TRIM8: variants seen among roughly 807,000 people sequenced by gnomAD.
TRIM8 encodes E3 ubiquitin-protein ligase TRIM8.
A neutral mutation model predicts 55.7 loss-of-function variants in TRIM8; 9 were observed. The observed-to-expected ratio is 0.16, with a 90% CI of 0.10 to 0.28. The LOEUF is 0.28. Ranked by LOEUF, TRIM8 falls within the 10% of genes least tolerant of loss-of-function variation. The probability of loss-of-function intolerance (pLI) is 1.00; values close to 1 mark genes in which losing one functional copy is unlikely to be tolerated. For missense variants in TRIM8, 556 were observed against 736.4 expected (o/e 0.76, Z 2.83); for synonymous variants, 335 against 333.3 (o/e 1.01, Z -0.06).
rs1261119993 is a variant in TRIM8, at chr10:102,656,492, C to G, written c.1048+107C>G. ...GTGTGGCCCAGTCTGGGAGACCTGT[C>G]CTCATATCCAGGCTTTGCCACTTGT... On this transcript the variant is annotated intron_variant, in intron 5 of 5. Transcript: ENST00000643721. This position sits in a 1 kb window ranked among gnomAD's most constrained non-coding sequence, Gnocchi z 4.6. 1 of 1,482,944 alleles carries G rather than the reference C, an allele frequency of 6.7e-7. No individual in the cohort carries two copies. The highest frequency in any genetic ancestry group is 9.0e-7 in the Non-Finnish European group (1 of 1,106,426). The allele number at this position is 1,482,944 out of a possible 1,614,324, so 91.9% of individuals were successfully genotyped here.
intron 1 of TRIM8, among the ~76,000 whole-genome samples, chr10:102,648,443 A>G (rs1454905470): frequency 6.6e-6 from 1 of 152,108 alleles, no homozygotes; most frequent in Non-Finnish European, 1.5e-5. Flanking sequence ...AAGGCCAGAC[A>G]TGTTGCTAGG....
At chr10:102,645,209 GCGCACA>G in intron 1 of TRIM8, 22 bp downstream of exon 1, 2 of 1,515,878 alleles carry the variant, frequency 1.3e-6, no homozygotes, top group South Asian at 1.3e-5. Flanking sequence ...ACGCGCGCGC[GCGCACA>G]CACACACACA....
At position 102,656,084 on chromosome 10, in the gene TRIM8, G is replaced by T. The variant is rs1026226821; in HGVS notation, c.901-22G>T. The T allele has an allele frequency of 1.2e-6, 2 of 1,613,832 alleles. No individual in the cohort carries two copies. Among genetic ancestry groups the T allele is most frequent in the African/African-American group, 2.7e-5 (2 of 74,802 alleles). On this transcript the variant is annotated intron_variant, in intron 3 of 5. Transcript: ENST00000643721. This position sits in a 1 kb window ranked among gnomAD's most constrained non-coding sequence, Gnocchi z 4.6. ...CCTGGACTGCCTTTTCCACTGACTT[G>T]ACTCTTTTCTCTCCCCAACAGAACA... is the stretch of plus-strand genomic sequence containing the variant.
rs367845188 is a variant in TRIM8, at chr10:102,656,763, G to A, written c.1065G>A (p.Pro355=). Residue 355 remains proline (P), a synonymous_variant, in exon 6 of 6, where the codon CCG becomes CCA. Transcript: ENST00000643721. The surrounding 1 kb of genome is among the most constrained non-coding windows in gnomAD (Gnocchi z 4.6). ...TCTCCACAGGCCCCTTCAGCACGCC[G>A]GTGCCCTTCCTGCAGAGTGTCCCCC... ...RKMLEGPFST[P]VPFLQSVPLY... The A allele has an allele frequency of 1.0e-4, 151 of 1,511,498 alleles. No homozygotes were observed. Among genetic ancestry groups the A allele is most frequent in the Admixed American group, 1.9e-4 (8 of 43,058 alleles). 93.6% of individuals were successfully genotyped at this position (1,511,498 alleles called of 1,614,324 possible).
At chr10:102,650,389 G>A (rs2063975059) in intron 1 of TRIM8, among the ~76,000 whole-genome samples, 1 of 152,166 alleles carries the variant, frequency 6.6e-6, no homozygotes, top group South Asian at 2.1e-4. Context: ...AGGTGGTGGA[G>A]GGTGGGAATG....
In TRIM8 at chr10:102,657,453, C is replaced by T. The variant is rs1027483538; in HGVS notation, c.*99C>T. The T allele has an allele frequency of 2.2e-6, 3 of 1,383,988 alleles. No homozygotes were observed. The highest frequency in any genetic ancestry group is 2.9e-6 in the Non-Finnish European group (3 of 1,031,520). 85.7% of individuals were successfully genotyped at this position (1,383,988 alleles called of 1,614,324 possible). ...CCTGCCCTTCTACCTTCCTCGCCTC[C>T]CCTCTTCCTCATTCCATTGCCCCAG... On this transcript the variant is annotated 3_prime_UTR_variant, in exon 6 of 6. Coordinates refer to ENST00000643721, the MANE Select transcript of TRIM8 (RefSeq NM_030912.3).
At chr10:102,654,386 G>C (rs967223532) in intron 1 of TRIM8, 18 of 324,684 alleles carry the variant, frequency 5.5e-5, no homozygotes, top group Non-Finnish European at 9.8e-5. Flanking sequence ...ACAGTGAGCC[G>C]AGATCGCACC....
rs779735972 is a variant in TRIM8, at chr10:102,656,865, A to G, written c.1167A>G (p.Leu389=). The change falls in exon 6 of 6, where the codon CTA becomes CTG. Residue 389 remains leucine (L), a synonymous_variant. Coordinates refer to ENST00000643721, the MANE Select transcript of TRIM8 (RefSeq NM_030912.3). This position sits in a 1 kb window ranked among gnomAD's most constrained non-coding sequence, Gnocchi z 4.6. ...HSTAFPEASF[L]ETSSGPVGGQ... ...CGGCCTTCCCAGAGGCCAGTTTCCT[A>G]GAGACGTCGTCGGGCCCTGTGGGCG... The G allele has an allele frequency of 1.3e-6, 2 of 1,564,858 alleles. No homozygotes were observed. Among genetic ancestry groups the G allele is most frequent in the Non-Finnish European group, 1.7e-6 (2 of 1,157,264 alleles).
Position 102,645,453 on chromosome 10 carries a change from TAG to T in TRIM8, c.570+269_570+270del. 8.0e-6 allele frequency: 3 copies of T among 373,696 alleles called. No individual in the cohort carries two copies. The Admixed American group carries it at 1.3e-4, about 17-fold the overall frequency. 23.1% of individuals were successfully genotyped at this position (373,696 alleles called of 1,614,324 possible). A position where few individuals can be genotyped will look rare whatever the true frequency, so the allele number is the denominator to read the frequency against. ...GATTGGGGTGTGGGACCGTCAGGGG[TAG>T]AGTCTGGGTGTTGCTTTTCTGTGGT... On this transcript the variant is annotated intron_variant, in intron 1 of 5. Transcript: ENST00000643721.
Position 102,657,231 on chromosome 10 carries a change from C to G in TRIM8, c.1533C>G (p.Ser511=). ...CACACCCGCTCCCGCCCACACCCTC[C>G]GTCCCCCAGTCCCTTCCCAGCCTGG... is the stretch of plus-strand genomic sequence containing the variant. ...EYSHPLPPTP[S]VPQSLPSLAV... is the part of the protein sequence containing the mutation. Residue 511 remains serine (S), a synonymous_variant, in exon 6 of 6, where the codon TCC becomes TCG. Transcript: ENST00000643721. 1.1e-5 allele frequency: 18 copies of G among 1,614,022 alleles called. No homozygotes were observed. Among genetic ancestry groups the G allele is most frequent in the Non-Finnish European group, 1.5e-5 (18 of 1,179,978 alleles).
rs2064013603 is a variant in TRIM8, at chr10:102,655,196, C to T, written c.783C>T (p.Phe261=). The T allele has an allele frequency of 6.2e-7, 1 of 1,608,876 alleles. No individual in the cohort carries two copies. Among genetic ancestry groups the T allele is most frequent in the Non-Finnish European group, 8.5e-7 (1 of 1,178,602 alleles). Residue 261 remains phenylalanine (F), a synonymous_variant, in exon 3 of 6, where the codon TTC becomes TTT. Coordinates refer to ENST00000643721, the MANE Select transcript of TRIM8 (RefSeq NM_030912.3). ...TCCTAGACAAGGCCCAGGCCAAGTT[C>T]TGCAGCGAGAACGCAGCGCAGGCGC... ...VEVLDKAQAK[F]CSENAAQALH...
intron 1 of TRIM8, 78 bp from the exon 2 acceptor site, chr10:102,654,575 A>C (rs754618607): frequency 4.5e-6 from 5 of 1,106,690 alleles, no homozygotes; most frequent in Non-Finnish European, 7.0e-6. Context: ...CATAGGATGC[A>C]TGTGTTGTGT....
Position 102,656,973 on chromosome 10 carries a change from G to C in TRIM8, c.1275G>C (p.Leu425Phe). Reference sequence around the variant, plus strand: ...GGCCCTGCAGCTCCACGCAGCACTTGGTGGCCCTGCCGGGCGGCGCCCAAC... The same window carrying C: ...GGCCCTGCAGCTCCACGCAGCACTTCGTGGCCCTGCCGGGCGGCGCCCAAC... ...PLGPCSSTQH[L>F]VALPGGAQPV... Residue 425 changes from leucine to phenylalanine, a missense_variant, in exon 6 of 6, where the codon TTG becomes TTC. By Grantham distance (22) the Leu-to-Phe change is conservative. Coordinates refer to ENST00000643721, the MANE Select transcript of TRIM8 (RefSeq NM_030912.3). This position sits in a 1 kb window ranked among gnomAD's most constrained non-coding sequence, Gnocchi z 4.6. The C allele has an allele frequency of 6.2e-7, 1 of 1,612,628 alleles. No individual in the cohort carries two copies. Among genetic ancestry groups the C allele is most frequent in the Non-Finnish European group, 8.5e-7 (1 of 1,179,652 alleles).
chr10:102,650,693 C>T (rs1564720037), intron 1 of TRIM8, among the ~76,000 whole-genome samples: 3 of 152,192 alleles, frequency 2.0e-5, no homozygotes, highest in Admixed American at 1.3e-4. Context: ...AGTACTTGCT[C>T]TGAACTGAGC....
Position 102,657,525 on chromosome 10 carries a change from T to A in TRIM8, c.*171T>A. ...TTTTGGTTTTGGCTTTGTTTTTGAT[T>A]TTTTTTTATTATGAATCTCCTGGAC... On this transcript the variant is annotated 3_prime_UTR_variant, in exon 6 of 6. Transcript: ENST00000643721. The A allele has an allele frequency of 1.2e-6, 1 of 859,202 alleles. No homozygotes were observed. Among genetic ancestry groups the A allele is most frequent in the East Asian group, 2.9e-5 (1 of 34,462 alleles). The allele number at this position is 859,202 out of a possible 1,614,324, so 53.2% of individuals were successfully genotyped here. A position where few individuals can be genotyped will look rare whatever the true frequency, so the allele number is the denominator to read the frequency against.
intron 1 of TRIM8, among the ~76,000 whole-genome samples, chr10:102,649,509 GCCT>G (rs2063963677): frequency 6.6e-6 from 1 of 152,244 alleles, no homozygotes; most frequent in Admixed American, 6.5e-5. Context: ...GGCCTGGCTG[GCCT>G]CCTCCCTGGC....
chr10:102,655,539 A>G (rs1012809577), intron 3 of TRIM8, among the ~76,000 whole-genome samples: 2 of 152,232 alleles, frequency 1.3e-5, no homozygotes, highest in African/African-American at 4.8e-5. Context: ...ATACAGGTCT[A>G]CTATTCTTTA....
Position 102,656,716 on chromosome 10 carries a change from C to T in TRIM8, c.1049-31C>T, listed in dbSNP as rs1480541531. The T allele has an allele frequency of 7.3e-6, 11 of 1,506,854 alleles. No individual in the cohort carries two copies. Among genetic ancestry groups the T allele is most frequent in the African/African-American group, 4.2e-5 (3 of 71,412 alleles). 93.3% of individuals were successfully genotyped at this position (1,506,854 alleles called of 1,614,324 possible). A position where few individuals can be genotyped will look rare whatever the true frequency, so the allele number is the denominator to read the frequency against. On this transcript the variant is annotated intron_variant, in intron 5 of 5. Coordinates refer to ENST00000643721, the MANE Select transcript of TRIM8 (RefSeq NM_030912.3). This position sits in a 1 kb window ranked among gnomAD's most constrained non-coding sequence, Gnocchi z 4.6. ...AGGCCTGGGTTGCTTGGGGTGGGAG[C>T]TTTGGCGACTTTTGCCCCAACTCTC...
rs1448705775 is a variant in TRIM8, at chr10:102,655,168, A to T, written c.755A>T (p.Glu252Val). The T allele has an allele frequency of 1.2e-6, 2 of 1,612,166 alleles. No individual in the cohort carries two copies. Among genetic ancestry groups the T allele is most frequent in the African/African-American group, 2.7e-5 (2 of 74,904 alleles). ...LLDEDLRQTV[E>V]VLDKAQAKFC... ...GACGAGGACCTGCGGCAGACAGTGG[A>T]GGTCCTAGACAAGGCCCAGGCCAAG... The change falls in exon 3 of 6, where the codon GAG becomes GTG. Residue 252 changes from glutamate (E) to valine (V), a missense_variant. Transcript: ENST00000643721.
Sources: gnomAD v4.1 joint callset for allele counts (sites outside exome capture counted in the v4.1 genomes callset) on GRCh38, gnomAD v4.1.1 for gene constraint, Gnocchi (gnomAD v3.1) non-coding constraint, MANE v1.5 for transcripts, NCBI Gene and HGNC (gene_info 2026-07-23, HGNC 2026-07-21) for gene names.